NCOA3: variants seen among roughly 807,000 people sequenced by gnomAD.
NCOA3 encodes the protein nuclear receptor coactivator 3, also known as CBP-interacting protein.
In NCOA3, 51 loss-of-function variants were observed where a neutral mutation model predicts 158.8. That is an observed-to-expected ratio of 0.32 (90% CI 0.26 to 0.41). NCOA3 has a LOEUF of 0.41. Ranked by LOEUF, NCOA3 falls within the 10% of genes least tolerant of loss-of-function variation. NCOA3 has a pLI of 1.00. For synonymous variants in NCOA3, 537 were observed against 592.4 expected (o/e 0.91, Z 1.36); for missense variants, 1,510 against 1,746.6 (o/e 0.86, Z 2.41).
intron 1 of NCOA3, among the ~76,000 whole-genome samples, chr20:47,552,808 AG>A (rs1402223135): frequency 6.6e-6 from 1 of 152,248 alleles, no homozygotes; most frequent in Non-Finnish European, 1.5e-5. Flanking sequence ...AGAGAAAATC[AG>A]AGCTATGTGT....
At chr20:47,622,442 C>G (rs2086256829) in intron 3 of NCOA3, 112 bp downstream of exon 3, 1 of 698,374 alleles carries the variant, frequency 1.4e-6, no homozygotes, top group Non-Finnish European at 2.3e-6. Flanking sequence ...GGTGGTTTCA[C>G]TTCGTGGTAA....
chr20:47,546,236 CTT>C (rs2084825426), intron 1 of NCOA3, among the ~76,000 whole-genome samples: 1 of 152,178 alleles, frequency 6.6e-6, no homozygotes, highest in African/African-American at 2.4e-5. Flanking sequence ...CTTGACTACT[CTT>C]TTATCTCCTT....
intron 1 of NCOA3, among the ~76,000 whole-genome samples, chr20:47,569,879 G>A (rs976330926): frequency 1.4e-5 from 2 of 148,108 alleles, no homozygotes; most frequent in Admixed American, 1.3e-4. Flanking sequence ...ACGTGGCGGC[G>A]GGTGCCTGTA....
At position 47,642,299 on chromosome 20, in the gene NCOA3, A is replaced by G; in HGVS notation, c.3167A>G (p.Gln1056Arg). Residue 1056 changes from glutamine (Q) to arginine (R), a missense_variant, in exon 17 of 23, where the codon CAG (glutamine) becomes CGG (arginine). Gln to Arg is a conservative substitution (Grantham distance 43). Transcript: ENST00000371998. ...AGTGACGAAAGAGCATTATTGGACC[A>G]GCTGCACACTCTTCTCAGCAACACA... Reference protein sequence around the residue: ...GQSDERALLDQLHTLLSNTDA... With the variant: ...GQSDERALLDRLHTLLSNTDA... 1.2e-6 allele frequency: 2 copies of G among 1,613,752 alleles called. No individual in the cohort carries two copies. Among genetic ancestry groups the G allele is most frequent in the East Asian group, 2.2e-5 (1 of 44,884 alleles).
In NCOA3 at chr20:47,636,035, ACT is replaced by A; in HGVS notation, c.1653_1654del (p.Pro552GlnfsTer9). ...TCATCACCAGGCCCCAAATTGGATA[ACT>A]CTCCCAATATGAATATTACCCAACC... On this transcript the variant is annotated frameshift_variant, in exon 12 of 23. Coordinates refer to ENST00000371998, the MANE Select transcript of NCOA3 (RefSeq NM_181659.3). LOFTEE classifies it high-confidence loss of function. 1 of 1,613,978 alleles carries A rather than the reference ACT, an allele frequency of 6.2e-7. No homozygotes were observed. The highest frequency in any genetic ancestry group is 8.5e-7 in the Non-Finnish European group (1 of 1,179,980).
intron 2 of NCOA3, among the ~76,000 whole-genome samples, chr20:47,595,680 T>C (rs1248453348): frequency 3.9e-5 from 6 of 152,162 alleles, no homozygotes; most frequent in Non-Finnish European, 7.4e-5. Flanking sequence ...AGGCTTTTTT[T>C]TTTTTTAATT....
chr20:47,623,816 G>A (rs1403999941), intron 3 of NCOA3, 95 bp from the exon 4 acceptor site: 5 of 1,113,562 alleles, frequency 4.5e-6, no homozygotes, highest in Non-Finnish European at 6.4e-6. Context: ...AAGTAATCAT[G>A]TAATAGTGTT....
intron 16 of NCOA3, among the ~76,000 whole-genome samples, chr20:47,641,731 G>A (rs560214496): frequency 1.3e-5 from 2 of 151,602 alleles, no homozygotes; most frequent in Non-Finnish European, 2.9e-5. Context: ...TCCTGACCTC[G>A]TGATCCGCCC....
At chr20:47,539,125 G>T (rs1352485360) in intron 1 of NCOA3, among the ~76,000 whole-genome samples, 1 of 152,126 alleles carries the variant, frequency 6.6e-6, no homozygotes, top group East Asian at 1.9e-4. Flanking sequence ...TGACTTAGTT[G>T]TGAATTTTAG....
chr20:47,571,420 C>T (rs181812428), intron 1 of NCOA3, among the ~76,000 whole-genome samples: 19 of 151,420 alleles, frequency 1.3e-4, no homozygotes, highest in African/African-American at 4.1e-4. Flanking sequence ...TGTGTTCAAG[C>T]GATTCTTGTG....
intron 8 of NCOA3, chr20:47,630,443 A>G (rs1229218213): frequency 1.3e-5 from 2 of 149,766 alleles, no homozygotes; most frequent in East Asian, 4.0e-4. Context: ...GAAAGGATAA[A>G]TATATGGGCA....
chr20:47,559,757 T>A (rs2085068963), intron 1 of NCOA3, among the ~76,000 whole-genome samples: 2 of 152,064 alleles, frequency 1.3e-5, no homozygotes, highest in Non-Finnish European at 2.9e-5. Flanking sequence ...TTCCAGTGAT[T>A]CTCCTGCCTC....
intron 1 of NCOA3, among the ~76,000 whole-genome samples, chr20:47,576,190 T>G (rs1193153812): frequency 1.3e-5 from 2 of 152,066 alleles, no homozygotes; most frequent in African/African-American, 2.4e-5. Flanking sequence ...ATGAAAAGGA[T>G]AGAGGAACAT....
At chr20:47,586,991 T>TG in intron 2 of NCOA3, among the ~76,000 whole-genome samples, 1 of 152,334 alleles carries the variant, frequency 6.6e-6, no homozygotes, top group Non-Finnish European at 1.5e-5. Flanking sequence ...AAGCAGCTTG[T>TG]GGGGAAACAA....
chr20:47,511,550 T>TATATATATACACAC, intron 1 of NCOA3, among the ~76,000 whole-genome samples: 32 of 52,266 alleles, frequency 6.1e-4, no homozygotes, highest in Middle Eastern at 0.01. Context: ...TATATATATA[T>TATATATATACACAC]ATATATTTCT....
chr20:47,562,916 A>G (rs907175625), intron 1 of NCOA3, among the ~76,000 whole-genome samples: 6 of 152,152 alleles, frequency 3.9e-5, no homozygotes, highest in African/African-American at 1.4e-4. Flanking sequence ...ATTAAAAGTA[A>G]TTTTTTAAAA....
chr20:47,643,076 A>G (rs1464216485), intron 17 of NCOA3, among the ~76,000 whole-genome samples: 1 of 152,114 alleles, frequency 6.6e-6, no homozygotes, highest in Non-Finnish European at 1.5e-5. Flanking sequence ...ACGCCCGGGT[A>G]ATTTCTTTTG....
chr20:47,580,855 C>T (rs934610235), intron 1 of NCOA3, among the ~76,000 whole-genome samples: 1 of 152,116 alleles, frequency 6.6e-6, no homozygotes, highest in South Asian at 2.1e-4. Flanking sequence ...AATCCCAACA[C>T]TTTGGGAGGC....
intron 1 of NCOA3, among the ~76,000 whole-genome samples, chr20:47,560,003 C>A (rs767125353): frequency 6.6e-6 from 1 of 152,132 alleles, no homozygotes; most frequent in African/African-American, 2.4e-5. Flanking sequence ...CCAAACTGGT[C>A]TCGAACTGCT....
Sources: gnomAD v4.1 joint callset for allele counts (sites outside exome capture counted in the v4.1 genomes callset) on GRCh38, gnomAD v4.1.1 for gene constraint, MANE v1.5 for transcripts, NCBI Gene and HGNC (gene_info 2026-07-23, HGNC 2026-07-21) for gene names.